The following LOC400499 variants were observed in gnomAD, a reference collection of about 807,000 sequenced individuals.
chr16:11,469,769 TG>T, the LOC400499 span: 1 of 397,912 alleles, frequency 2.5e-6, no homozygotes, highest in East Asian at 3.6e-5. Flanking sequence ...TTCTCAGGCT[TG>T]AAAACTGCCT....
chr16:11,384,128 T>TCAGGCCGC, the LOC400499 span: 2 of 1,216,950 alleles, frequency 1.6e-6, no homozygotes, highest in Non-Finnish European at 2.1e-6. Context: ...TGCAGAGCCA[T>TCAGGCCGC]CAGGCCGCCT....
the LOC400499 span, among the ~76,000 whole-genome samples, chr16:11,461,449 G>A: frequency 6.6e-6 from 1 of 152,156 alleles, no homozygotes; most frequent in East Asian, 1.9e-4. Context: ...TTAAACTCCT[G>A]GGCTCAAGTA....
the LOC400499 span, among the ~76,000 whole-genome samples, chr16:11,379,455 T>G: frequency 6.6e-6 from 1 of 152,264 alleles, no homozygotes; most frequent in Non-Finnish European, 1.5e-5. Flanking sequence ...TTGTCTGATA[T>G]TAGTATAGCT....
At chr16:11,382,201 G>A in the LOC400499 span, among the ~76,000 whole-genome samples, 4 of 151,636 alleles carry the variant, frequency 2.6e-5, no homozygotes, top group Admixed American at 6.6e-5. Context: ...GCCTCCCAAA[G>A]TGCTGGGATT....
the LOC400499 span, among the ~76,000 whole-genome samples, chr16:11,383,347 G>A: frequency 2.0e-4 from 30 of 152,130 alleles, no homozygotes; most frequent in East Asian, 9.6e-4. Context: ...GATTACAGGC[G>A]TGAGCCACCG....
chr16:11,423,179 C>T, the LOC400499 span: 7 of 399,244 alleles, frequency 1.8e-5, no homozygotes, highest in East Asian at 1.1e-4. Flanking sequence ...GACCCCATAC[C>T]TCGAGAGGCT....
chr16:11,498,814 A>G, the LOC400499 span, among the ~76,000 whole-genome samples: 1 of 151,476 alleles, frequency 6.6e-6, no homozygotes, highest in Non-Finnish European at 1.5e-5. Context: ...TCCCAGACTA[A>G]TGGCAACAGC....
At chr16:11,404,603 TC>T in the LOC400499 span, 3 of 397,138 alleles carry the variant, frequency 7.6e-6, no homozygotes, top group Non-Finnish European at 1.3e-5. Context: ...CACCTCGGCC[TC>T]CCAAAGGGCT....
At chr16:11,484,318 T>C in the LOC400499 span, among the ~76,000 whole-genome samples, 1 of 151,954 alleles carries the variant, frequency 6.6e-6, no homozygotes, top group Non-Finnish European at 1.5e-5. Context: ...CAGGAAGAGA[T>C]TATTAAGGAT....
the LOC400499 span, among the ~76,000 whole-genome samples, chr16:11,506,446 C>T: frequency 6.6e-6 from 1 of 152,220 alleles, no homozygotes; most frequent in Non-Finnish European, 1.5e-5. Context: ...TATGCCATTT[C>T]GTGAGTGTAA....
At chr16:11,432,976 G>A in the LOC400499 span, among the ~76,000 whole-genome samples, 2 of 152,258 alleles carry the variant, frequency 1.3e-5, no homozygotes, top group South Asian at 2.1e-4. Flanking sequence ...GCTTCCTCGT[G>A]TATCTTTTTA....
At chr16:11,392,061 CA>C in the LOC400499 span, 2 of 399,954 alleles carry the variant, frequency 5.0e-6, no homozygotes, top group Non-Finnish European at 8.8e-6. Flanking sequence ...CCTTCTCTTC[CA>C]GCCGGGCTTG....
the LOC400499 span, among the ~76,000 whole-genome samples, chr16:11,394,602 T>C: frequency 6.6e-6 from 1 of 152,240 alleles, no homozygotes; most frequent in African/African-American, 2.4e-5. Flanking sequence ...CGTGGTGTTA[T>C]TCGGAAATAG....
chr16:11,502,982 C>T, the LOC400499 span, among the ~76,000 whole-genome samples: 4 of 142,990 alleles, frequency 2.8e-5, no homozygotes, highest in Non-Finnish European at 6.0e-5. Flanking sequence ...AGTGCTGCAA[C>T]ACAGTCACTT....
At chr16:11,391,267 G>A in the LOC400499 span, among the ~76,000 whole-genome samples, 1 of 152,228 alleles carries the variant, frequency 6.6e-6, no homozygotes, top group Non-Finnish European at 1.5e-5. Context: ...CCACGAGGCT[G>A]GTTGGGGCAG....
chr16:11,376,020 T>G, the LOC400499 span, among the ~76,000 whole-genome samples: 2 of 152,244 alleles, frequency 1.3e-5, no homozygotes, highest in East Asian at 3.8e-4. Flanking sequence ...ATCACAGGTG[T>G]GAGCCACCGC....
At chr16:11,466,015 T>G in the LOC400499 span, among the ~76,000 whole-genome samples, 2 of 152,212 alleles carry the variant, frequency 1.3e-5, no homozygotes, top group African/African-American at 4.8e-5. Flanking sequence ...GCAGAATATT[T>G]GTAAGAGCAG....
chr16:11,406,257 G>A, the LOC400499 span, among the ~76,000 whole-genome samples: 229 of 152,284 alleles, frequency 1.5e-3, 1 homozygote, highest in African/African-American at 5.3e-3. Context: ...GCTTACAAGT[G>A]AGAACATGTG....
chr16:11,409,766 C>A, the LOC400499 span, among the ~76,000 whole-genome samples: 3 of 152,102 alleles, frequency 2.0e-5, no homozygotes, highest in African/African-American at 7.2e-5. Context: ...ATCCTTGTTA[C>A]AGGAAATAGT....
Sources: allele counts gnomAD v4.1 joint callset (sites outside exome capture counted in the v4.1 genomes callset), GRCh38; gene constraint gnomAD v4.1.1; transcripts MANE v1.5.